PACRG: variants seen among roughly 807,000 people sequenced by gnomAD.
PACRG encodes parkin coregulated gene protein.
PACRG carries 29 observed loss-of-function variants against 29.7 expected under a neutral mutation model. That is an observed-to-expected ratio of 0.98 (90% CI 0.73 to 1.33). The LOEUF (loss-of-function observed/expected upper bound fraction) is 1.33. Ranked by LOEUF, PACRG falls within the 40% of genes most tolerant of loss-of-function variation. PACRG has a pLI of 0.00. For missense variants in PACRG, 279 were observed against 316.2 expected (o/e 0.88, Z 0.89); for synonymous variants, 116 against 118.7 (o/e 0.98, Z 0.15).
At chr6:163,093,330 G>T (rs1247423062) in intron 4 of PACRG, among the ~76,000 whole-genome samples, 1 of 152,210 alleles carries the variant, frequency 6.6e-6, no homozygotes, top group Non-Finnish European at 1.5e-5. Flanking sequence ...GCTTTGAGGG[G>T]AAAGAAAGGG....
At chr6:163,106,239 G>A (rs1394183733) in intron 4 of PACRG, among the ~76,000 whole-genome samples, 4 of 152,168 alleles carry the variant, frequency 2.6e-5, no homozygotes, top group African/African-American at 9.6e-5. Flanking sequence ...GTGATAACTT[G>A]TACAGTTTTC....
chr6:163,167,908 G>A (rs966107702), intron 4 of PACRG, among the ~76,000 whole-genome samples: 1 of 152,190 alleles, frequency 6.6e-6, no homozygotes, highest in Non-Finnish European at 1.5e-5. Flanking sequence ...GTGAACTGCT[G>A]TCACTAATCA....
intron 4 of PACRG, among the ~76,000 whole-genome samples, chr6:163,293,795 AT>A (rs1784694847): frequency 6.6e-6 from 1 of 152,212 alleles, no homozygotes; most frequent in African/African-American, 2.4e-5. Context: ...AGAATTTTTA[AT>A]CATTTTTGGA....
intron 1 of PACRG, among the ~76,000 whole-genome samples, chr6:162,733,006 T>G (rs186246587): frequency 6.7e-4 from 102 of 152,354 alleles, no homozygotes; most frequent in Non-Finnish European, 1.0e-3. Context: ...CTGTTTATGT[T>G]GTTCCCTTTG....
At chr6:162,839,303 T>C (rs1457969867) in intron 2 of PACRG, among the ~76,000 whole-genome samples, 2 of 108,078 alleles carry the variant, frequency 1.9e-5, no homozygotes. Context: ...TGTGAGATGG[T>C]ATCTCATTGT....
intron 2 of PACRG, among the ~76,000 whole-genome samples, chr6:162,843,364 A>C (rs1470586575): frequency 6.6e-6 from 1 of 150,530 alleles, no homozygotes; most frequent in Non-Finnish European, 1.5e-5. Context: ...TCCATTGCTG[A>C]TACCCTTTCT....
intron 2 of PACRG, among the ~76,000 whole-genome samples, chr6:162,988,324 A>T (rs531861695): frequency 3.9e-5 from 6 of 152,224 alleles, no homozygotes; most frequent in Middle Eastern, 3.4e-3. Flanking sequence ...TAAAGAGGAG[A>T]AGGGTCAATC....
chr6:163,089,760 A>G (rs1042928804), intron 4 of PACRG, among the ~76,000 whole-genome samples: 22 of 152,296 alleles, frequency 1.4e-4, no homozygotes, highest in African/African-American at 5.3e-4. Context: ...ACCTTTAGAT[A>G]CTTCCTGTTA....
chr6:162,784,856 G>T (rs1446411595), intron 1 of PACRG, among the ~76,000 whole-genome samples: 1 of 152,146 alleles, frequency 6.6e-6, no homozygotes. Context: ...TTACAAGAAA[G>T]AGGTGAGATC....
chr6:163,007,262 C>T (rs1448163896), intron 2 of PACRG, among the ~76,000 whole-genome samples: 1 of 152,074 alleles, frequency 6.6e-6, no homozygotes, highest in Admixed American at 6.6e-5. Flanking sequence ...ATAGATCCTA[C>T]AATACATTAT....
At chr6:162,825,155 A>G (rs1788172046) in intron 2 of PACRG, among the ~76,000 whole-genome samples, 1 of 152,190 alleles carries the variant, frequency 6.6e-6, no homozygotes, top group Admixed American at 6.5e-5. Flanking sequence ...GTATCTACAT[A>G]TTGTGGCAAT....
Position 162,816,895 on chromosome 6 carries a change from G to C in PACRG, c.291+2614G>C, listed in dbSNP as rs1402472960. ...TTCTCTTGTGTGTGGGCAGAGCACC[G>C]GTTTCTGGTCATGCAAACCTCTGGT... On this transcript the variant is annotated intron_variant, in intron 2 of 4. Coordinates refer to ENST00000366888, the MANE Select transcript of PACRG (RefSeq NM_001080379.2). 2.0e-5 allele frequency among the ~76,000 whole-genome samples: 3 copies of C among 152,120 alleles called. No homozygotes were observed. The East Asian group carries it at 5.8e-4, about 29-fold the overall frequency.
chr6:162,727,313 G>GAAGGTGAGGGGCGGCGGCGGGGCT, upstream of PACRG: 1 of 365,700 alleles, frequency 2.7e-6, no homozygotes, highest in South Asian at 3.9e-5. Context: ...GCGGCGGGGC[G>GAAGGTGAGGGGCGGCGGCGGGGCT]AAGGTGAGGG....
At chr6:162,923,028 T>G (rs1584764803) in intron 2 of PACRG, among the ~76,000 whole-genome samples, 1 of 152,282 alleles carries the variant, frequency 6.6e-6, no homozygotes, top group Admixed American at 6.5e-5. Context: ...CCCACATCCT[T>G]GCCAGCATTT....
At chr6:163,193,688 A>T (rs12529332) in intron 4 of PACRG, among the ~76,000 whole-genome samples, 1 of 151,906 alleles carries the variant, frequency 6.6e-6, no homozygotes, top group Admixed American at 6.6e-5. Flanking sequence ...GAACTCGACA[A>T]ATTTTCCTCA....
intron 1 of PACRG, among the ~76,000 whole-genome samples, chr6:162,763,533 AC>A (rs1782545066): frequency 6.6e-6 from 1 of 152,244 alleles, no homozygotes; most frequent in Admixed American, 6.5e-5. Context: ...TTTGAATATT[AC>A]CTTAAATTAT....
intron 4 of PACRG, among the ~76,000 whole-genome samples, chr6:163,255,776 C>T (rs977681704): frequency 1.3e-5 from 2 of 152,136 alleles, no homozygotes; most frequent in African/African-American, 4.8e-5. Context: ...AGTGGGACTA[C>T]AGGCCTGAGC....
chr6:163,275,764 A>G (rs1431982805), intron 4 of PACRG, among the ~76,000 whole-genome samples: 1 of 152,158 alleles, frequency 6.6e-6, no homozygotes, highest in African/African-American at 2.4e-5. Context: ...GTGAGATAAT[A>G]TAAAGGATCA....
At chr6:162,846,029 T>G (rs1320050738) in intron 2 of PACRG, among the ~76,000 whole-genome samples, 1 of 151,484 alleles carries the variant, frequency 6.6e-6, no homozygotes, top group Non-Finnish European at 1.5e-5. Context: ...AGTGACAGGG[T>G]GGGGGAGCCG....
Sources: gnomAD v4.1 joint callset for allele counts (sites outside exome capture counted in the v4.1 genomes callset) on GRCh38, gnomAD v4.1.1 for gene constraint, MANE v1.5 for transcripts, NCBI Gene and HGNC (gene_info 2026-07-23, HGNC 2026-07-21) for gene names.